Variants in DLC1 observed in about 807,000 individuals in gnomAD.
The protein encoded by DLC1 is DLC1 Rho GTPase activating protein, also known as rho GTPase-activating protein 7.
A neutral mutation model predicts 140.3 loss-of-function variants in DLC1; 54 were observed. The observed-to-expected ratio is 0.38, with a 90% CI of 0.31 to 0.48. The LOEUF is 0.48. Ranked by LOEUF, DLC1 falls within the 20% of genes least tolerant of loss-of-function variation. DLC1 has a pLI of 0.96. For missense variants in DLC1, 2,536 were observed against 1,907.0 expected, an observed-to-expected ratio of 1.33 and a Z score of -6.14; for synonymous variants, 986 against 728.1, an observed-to-expected ratio of 1.35 and a Z score of -5.70.
intron 5 of DLC1, among the ~76,000 whole-genome samples, chr8:13,189,957 G>T (rs1442216755): frequency 6.6e-6 from 1 of 151,960 alleles, no homozygotes; most frequent in Non-Finnish European, 1.5e-5. Context: ...GTGAGAGAGA[G>T]CCCAGCGCAT....
intron 5 of DLC1, among the ~76,000 whole-genome samples, chr8:13,282,822 T>C (rs1487680591): frequency 6.6e-6 from 1 of 152,188 alleles, no homozygotes; most frequent in African/African-American, 2.4e-5. Context: ...GTTTTATGTG[T>C]CTTTTTGATG....
At chr8:13,195,643 T>C (rs1319644264) in intron 5 of DLC1, among the ~76,000 whole-genome samples, 8 of 152,162 alleles carry the variant, frequency 5.3e-5, no homozygotes, top group Non-Finnish European at 1.0e-4. Flanking sequence ...TATTAAATAT[T>C]GCCAATAGGT....
chr8:13,601,841 G>A, intron 1 of DLC1, among the ~76,000 whole-genome samples: 1 of 151,696 alleles, frequency 6.6e-6, no homozygotes, highest in East Asian at 1.9e-4. Context: ...TGGTGATTTT[G>A]CTGGCTATAT....
At chr8:13,558,082 C>T (rs1230019318) in intron 1 of DLC1, 1 of 152,192 alleles carries the variant, frequency 6.6e-6, no homozygotes, top group Non-Finnish European at 1.5e-5. Context: ...AGACTCATAG[C>T]AGGTTGTTTC....
intron 5 of DLC1, among the ~76,000 whole-genome samples, chr8:13,264,611 T>A (rs552406857): frequency 6.6e-6 from 1 of 152,054 alleles, no homozygotes; most frequent in Admixed American, 6.6e-5. Flanking sequence ...AGGAGGGAAA[T>A]ATGACCCAGG....
At chr8:13,482,472 G>C (rs1019545362) in intron 2 of DLC1, among the ~76,000 whole-genome samples, 2 of 152,142 alleles carry the variant, frequency 1.3e-5, no homozygotes, top group African/African-American at 4.8e-5. Flanking sequence ...CTTTATTCAG[G>C]TTAAGCGGTG....
intron 1 of DLC1, among the ~76,000 whole-genome samples, chr8:13,594,624 C>T (rs1331963908): frequency 6.6e-6 from 1 of 152,060 alleles, no homozygotes; most frequent in African/African-American, 2.4e-5. Flanking sequence ...TCCTAAACTT[C>T]TTGACTTTAC....
At position 13,295,942 on chromosome 8, in the gene DLC1, G is replaced by GTTTTTTTTT. The variant is rs71207138; in HGVS notation, c.1348+9318_1348+9326dup. On this transcript the variant is annotated intron_variant, in intron 5 of 17. Transcript: ENST00000276297. ...AAGAGATGATCAGATAAGATTCTTT[G>GTTTTTTTTT]TTTTTTTTTTTTTTTTTTTTTTTTT... 2.2e-4 allele frequency among the ~76,000 whole-genome samples: 16 copies of GTTTTTTTTT among 72,892 alleles called. 1 individual carries two copies. Among genetic ancestry groups the GTTTTTTTTT allele is most frequent in the East Asian group, 5.7e-4 (1 of 1,768 alleles). The allele number at this position is 72,892 out of a possible 152,430, so 47.8% of individuals were successfully genotyped here. A position where few individuals can be genotyped will look rare whatever the true frequency, so the allele number is the denominator to read the frequency against.
chr8:13,533,181 A>G (rs1032465567), intron 1 of DLC1, among the ~76,000 whole-genome samples: 7 of 152,314 alleles, frequency 4.6e-5, no homozygotes, highest in Admixed American at 1.3e-4. Context: ...ATAAAGAGAA[A>G]CACTGGGTAA....
At position 13,536,766 on chromosome 8, in the gene DLC1, G is replaced by A. The variant is rs868481334; in HGVS notation, c.-125-36570C>T. On this transcript the variant is annotated intron_variant, in intron 1 of 1. Transcript: ENST00000631382. ...TGGTGTTTTTTTGAAGAGATATTGCGTATCCACATGACATGTTGAAATAAC... is the reference window on the plus strand; with the variant it reads ...TGGTGTTTTTTTGAAGAGATATTGCATATCCACATGACATGTTGAAATAAC... Among the ~76,000 whole-genome samples the A allele has an allele frequency of 1.2e-4, 19 of 152,164 alleles. No individual in the cohort carries two copies. The South Asian group carries it at 2.9e-3, about 23-fold the overall frequency.
intron 4 of DLC1, among the ~76,000 whole-genome samples, chr8:13,343,397 T>A (rs1586170929): frequency 6.6e-6 from 1 of 152,218 alleles, no homozygotes; most frequent in African/African-American, 2.4e-5. Flanking sequence ...CAATCAGTTA[T>A]GATAACTGAA....
chr8:13,181,699 G>GTA (rs201809890), intron 5 of DLC1, among the ~76,000 whole-genome samples: 18,713 of 151,876 alleles, frequency 0.12, 1,974 homozygotes, highest in East Asian at 0.31. Context: ...GTATTCCATG[G>GTA]TATATATGTG....
chr8:13,372,679 C>G (rs751585599), intron 4 of DLC1, among the ~76,000 whole-genome samples: 1 of 152,048 alleles, frequency 6.6e-6, no homozygotes, highest in African/African-American at 2.4e-5. Context: ...TAAAAAGGAA[C>G]ACGTCATTGA....
At chr8:13,123,032 G>T (rs1821233180) in intron 5 of DLC1, among the ~76,000 whole-genome samples, 1 of 152,178 alleles carries the variant, frequency 6.6e-6, no homozygotes, top group African/African-American at 2.4e-5. Context: ...ACAAGCTCCT[G>T]ACTTGAAGCA....
intron 2 of DLC1, among the ~76,000 whole-genome samples, chr8:13,451,784 T>C (rs1433700984): frequency 1.3e-5 from 2 of 152,194 alleles, no homozygotes; most frequent in Non-Finnish European, 2.9e-5. Context: ...GACACTTAGG[T>C]TGCTTCCAAA....
At chr8:13,502,321 T>G (rs568277795) in intron 1 of DLC1, among the ~76,000 whole-genome samples, 1 of 152,314 alleles carries the variant, frequency 6.6e-6, no homozygotes, top group East Asian at 1.9e-4. Context: ...CTAGGTGCTT[T>G]CAACATTTCC....
At chr8:13,537,935 T>C (rs1156345477) in intron 1 of DLC1, among the ~76,000 whole-genome samples, 1 of 152,126 alleles carries the variant, frequency 6.6e-6, no homozygotes, top group Admixed American at 6.5e-5. Context: ...ATTACAGGCG[T>C]GAGCCACCGC....
chr8:13,166,252 A>T (rs1415744828), intron 5 of DLC1, among the ~76,000 whole-genome samples: 1 of 152,330 alleles, frequency 6.6e-6, no homozygotes, highest in Non-Finnish European at 1.5e-5. Flanking sequence ...TGCTCCTGCC[A>T]TTACCCTAAT....
intron 5 of DLC1, among the ~76,000 whole-genome samples, chr8:13,180,919 C>T (rs1303933204): frequency 1.3e-5 from 2 of 152,030 alleles, no homozygotes; most frequent in Non-Finnish European, 1.5e-5. Context: ...TTTTCTTATT[C>T]AGAATTTCTA....
Sources: allele counts gnomAD v4.1 joint callset (sites outside exome capture counted in the v4.1 genomes callset), GRCh38; gene constraint gnomAD v4.1.1; transcripts MANE v1.5; gene names NCBI Gene and HGNC (gene_info 2026-07-23, HGNC 2026-07-21).